The following IRF2 variants were observed in gnomAD, a reference collection of about 807,000 sequenced individuals.
IRF2 encodes interferon regulatory factor 2.
In IRF2, 15 loss-of-function variants were observed where a neutral mutation model predicts 40.6. The ratio of observed to expected loss-of-function variants is 0.37; its 90% CI spans 0.25 to 0.57. IRF2 has a LOEUF of 0.57. Among genes scored for constraint, IRF2 ranks in the 20% least tolerant of loss-of-function variants. The probability of loss-of-function intolerance (pLI) is 0.77; values close to 1 mark genes in which losing one functional copy is unlikely to be tolerated. For missense variants in IRF2, 317 were observed against 455.7 expected (o/e 0.70, Z 2.77); for synonymous variants, 151 against 165.5 (o/e 0.91, Z 0.67).
At chr4:184,458,394 A>G (rs1360285417) in intron 1 of IRF2, among the ~76,000 whole-genome samples, 1 of 152,134 alleles carries the variant, frequency 6.6e-6, no homozygotes, top group Non-Finnish European at 1.5e-5. Context: ...TCAACCTTAC[A>G]TCTTCGCAGC....
At chr4:184,399,526 T>C (rs192584074) in intron 6 of IRF2, among the ~76,000 whole-genome samples, 1 of 152,332 alleles carries the variant, frequency 6.6e-6, no homozygotes, top group South Asian at 2.1e-4. Context: ...GGAGACATTA[T>C]CAAACCTTAC....
At chr4:184,461,029 C>G (rs1739125464) in intron 1 of IRF2, among the ~76,000 whole-genome samples, 1 of 152,166 alleles carries the variant, frequency 6.6e-6, no homozygotes, top group South Asian at 2.1e-4. Flanking sequence ...AAAAATAGTG[C>G]CAAGAGTTCC....
Position 184,469,274 on chromosome 4 carries a change from C to T in IRF2, c.-7+5105G>A, listed in dbSNP as rs535412732. Among the ~76,000 whole-genome samples the T allele has an allele frequency of 2.2e-4, 33 of 152,300 alleles. 1 individual carries two copies. In the South Asian group the frequency reaches 2.7e-3, roughly 12 times the overall value. On this transcript the variant is annotated intron_variant, in intron 1 of 8. Coordinates refer to ENST00000393593, the MANE Select transcript of IRF2 (RefSeq NM_002199.4). Reference sequence around the variant, plus strand: ...GCCGGCCAGCCTGTCCAACACACCACGGGTCTCTACCTTTGGCTATAATGA... The same window carrying T: ...GCCGGCCAGCCTGTCCAACACACCATGGGTCTCTACCTTTGGCTATAATGA...
chr4:184,417,910 C>T (rs527539995), intron 5 of IRF2, among the ~76,000 whole-genome samples: 4 of 152,322 alleles, frequency 2.6e-5, no homozygotes, highest in African/African-American at 9.6e-5. Context: ...CAGATGGAGG[C>T]CTCAGCCTGC....
intron 7 of IRF2, among the ~76,000 whole-genome samples, chr4:184,397,155 G>A (rs1035570333): frequency 1.3e-5 from 2 of 152,216 alleles, no homozygotes; most frequent in African/African-American, 4.8e-5. Flanking sequence ...TAATCTTCCT[G>A]TGGCCAAGGT....
At chr4:184,442,913 CG>C (rs1738366634) in intron 1 of IRF2, among the ~76,000 whole-genome samples, 1 of 16,830 alleles carries the variant, frequency 5.9e-5, no homozygotes, top group Non-Finnish European at 1.2e-4. Flanking sequence ...GTGGGGGCAG[CG>C]GGGTGGGAGG....
chr4:184,406,534 C>A (rs1001924614), intron 6 of IRF2, among the ~76,000 whole-genome samples: 1 of 151,888 alleles, frequency 6.6e-6, no homozygotes, highest in Non-Finnish European at 1.5e-5. Context: ...AGCCTCAGAG[C>A]TACTTTTTAT....
At chr4:184,415,965 CAT>C (rs1309831239) in intron 5 of IRF2, among the ~76,000 whole-genome samples, 1 of 152,166 alleles carries the variant, frequency 6.6e-6, no homozygotes, top group Non-Finnish European at 1.5e-5. Context: ...AATTCTCACA[CAT>C]GTGTGAGAAA....
chr4:184,396,073 C>T (rs959477120), intron 7 of IRF2, among the ~76,000 whole-genome samples: 4 of 152,204 alleles, frequency 2.6e-5, no homozygotes, highest in Non-Finnish European at 4.4e-5. Flanking sequence ...TGGAGTGTAA[C>T]GATGCCTGCA....
At chr4:184,447,218 T>C (rs1414232773) in intron 1 of IRF2, among the ~76,000 whole-genome samples, 1 of 151,808 alleles carries the variant, frequency 6.6e-6, no homozygotes, top group Non-Finnish European at 1.5e-5. Flanking sequence ...CAAAAGATAA[T>C]AGCAACATGT....
intron 6 of IRF2, among the ~76,000 whole-genome samples, chr4:184,399,528 A>C (rs1484516721): frequency 6.6e-6 from 1 of 152,246 alleles, no homozygotes; most frequent in Non-Finnish European, 1.5e-5. Flanking sequence ...AGACATTATC[A>C]AACCTTACTA....
At chr4:184,459,301 C>A (rs531965541) in intron 1 of IRF2, among the ~76,000 whole-genome samples, 3 of 152,186 alleles carry the variant, frequency 2.0e-5, no homozygotes, top group Non-Finnish European at 4.4e-5. Flanking sequence ...TAATTATTTA[C>A]TGCACAGTTC....
rs1737141115 is a variant in IRF2, at chr4:184,413,260, T to C, written c.411+4907A>G. Among the ~76,000 whole-genome samples, 1 of 152,192 alleles carries C rather than the reference T, an allele frequency of 6.6e-6. No individual in the cohort carries two copies. Among genetic ancestry groups the C allele is most frequent in the African/African-American group, 2.4e-5 (1 of 41,442 alleles). ...CAATTCCCGCCTGCTCTAAGTGTGC[T>C]ACAAGGAGTTCAACTGTGTCTCATT... On this transcript the variant is annotated intron_variant, in intron 5 of 8. Coordinates refer to ENST00000393593, the MANE Select transcript of IRF2 (RefSeq NM_002199.4). This position sits in a 1 kb window ranked among gnomAD's most constrained non-coding sequence, Gnocchi z 4.2.
intron 1 of IRF2, among the ~76,000 whole-genome samples, chr4:184,454,443 A>G (rs1738836780): frequency 6.6e-6 from 1 of 152,216 alleles, no homozygotes; most frequent in Non-Finnish European, 1.5e-5. Context: ...CAACTGGAAA[A>G]AGAGCCAAAA....
chr4:184,426,800 C>A (rs929223531), intron 2 of IRF2, among the ~76,000 whole-genome samples: 1 of 152,218 alleles, frequency 6.6e-6, no homozygotes, highest in Non-Finnish European at 1.5e-5. Flanking sequence ...AAGCAGACCA[C>A]TTGCTTCTCT....
At chr4:184,456,648 G>A (rs1010393074) in intron 1 of IRF2, among the ~76,000 whole-genome samples, 1 of 152,246 alleles carries the variant, frequency 6.6e-6, no homozygotes, top group African/African-American at 2.4e-5. Flanking sequence ...CCTCCCTACC[G>A]GGAAACCGGG....
chr4:184,463,731 G>A (rs990034416), intron 1 of IRF2, among the ~76,000 whole-genome samples: 3 of 151,834 alleles, frequency 2.0e-5, no homozygotes, highest in East Asian at 1.9e-4. Flanking sequence ...TCCTACTTCC[G>A]TAGCAATCCA....
chr4:184,419,200 T>G (rs1453863585), intron 3 of IRF2, among the ~76,000 whole-genome samples: 3 of 152,162 alleles, frequency 2.0e-5, no homozygotes, highest in Admixed American at 2.0e-4. Context: ...TCAGAACAAC[T>G]GAGTTTCTAT....
intron 7 of IRF2, among the ~76,000 whole-genome samples, chr4:184,398,210 G>T (rs1736535838): frequency 6.6e-6 from 1 of 152,256 alleles, no homozygotes; most frequent in East Asian, 1.9e-4. Flanking sequence ...AGAAATGAAG[G>T]AACAGGAAGA....
Sources: gnomAD v4.1 joint callset for allele counts (sites outside exome capture counted in the v4.1 genomes callset) on GRCh38, gnomAD v4.1.1 for gene constraint, Gnocchi (gnomAD v3.1) non-coding constraint, MANE v1.5 for transcripts, NCBI Gene and HGNC (gene_info 2026-07-23, HGNC 2026-07-21) for gene names.